The following DNAH11 variants were observed in gnomAD, a reference collection of about 807,000 sequenced individuals.
DNAH11 encodes axonemal beta dynein heavy chain 11.
DNAH11 carries 442 observed loss-of-function variants against 526.0 expected under a neutral mutation model. The observed-to-expected ratio is 0.84, with a 90% confidence interval of 0.78 to 0.91. DNAH11 has a LOEUF of 0.91. Among genes scored for constraint, DNAH11 ranks in the 40% least tolerant of loss-of-function variants. The pLI is 0.00. For missense variants in DNAH11, 6,989 were observed against 5,448.7 expected (o/e 1.28, Z -8.90); for synonymous variants, 2,461 against 1,935.9 (o/e 1.27, Z -7.12).
At chr7:21,737,729 C>G (rs957847005) in intron 46 of DNAH11, among the ~76,000 whole-genome samples, 3 of 152,108 alleles carry the variant, frequency 2.0e-5, no homozygotes, top group African/African-American at 7.2e-5. Flanking sequence ...TTGCATCTGC[C>G]TGACTGGGCA....
chr7:21,819,720 G>A (rs1251564148), intron 65 of DNAH11, among the ~76,000 whole-genome samples: 1 of 152,118 alleles, frequency 6.6e-6, no homozygotes, highest in Non-Finnish European at 1.5e-5. Flanking sequence ...TCCAAAGGCT[G>A]ATAAATTTGA....
At chr7:21,893,019 G>C (rs972346384) in intron 77 of DNAH11, among the ~76,000 whole-genome samples, 1 of 152,108 alleles carries the variant, frequency 6.6e-6, no homozygotes, top group African/African-American at 2.4e-5. Context: ...ATGTACCAAT[G>C]GTTCATTTTT....
intron 79 of DNAH11, among the ~76,000 whole-genome samples, chr7:21,896,313 A>G (rs1784513972): frequency 6.6e-6 from 1 of 152,088 alleles, no homozygotes; most frequent in African/African-American, 2.4e-5. Flanking sequence ...TGTTTCTGAA[A>G]CTGTCCTCAC....
rs1048659573 is a variant in DNAH11, at chr7:21,600,991, A to C, written c.3256-19A>C. ...GGCTTTTCACTGAGTTGTTCTAATT[A>C]ATCTTTTTCTCACTACAGATTGACA... On this transcript the variant is annotated intron_variant, in intron 16 of 81. Coordinates refer to ENST00000409508, the MANE Select transcript of DNAH11 (RefSeq NM_001277115.2). 6.2e-7 allele frequency: 1 copy of C among 1,609,996 alleles called. No homozygotes were observed.
Position 21,572,001 on chromosome 7 carries a change from G to T in DNAH11, c.1593+28G>T, listed in dbSNP as rs7804044. On this transcript the variant is annotated intron_variant, in intron 8 of 81. Coordinates refer to ENST00000409508, the MANE Select transcript of DNAH11 (RefSeq NM_001277115.2). ...AATGTTGTACCTTTGCATTTTCATT[G>T]CATGGGATCCTATAATTTTATAGCT... The T allele has an allele frequency of 0.053, 78,025 of 1,466,772 alleles. 5,663 individuals are homozygous for T. Among genetic ancestry groups the T allele is most frequent in the African/African-American group, 0.29 (20,313 of 70,096 alleles). 90.9% of individuals were successfully genotyped at this position (1,466,772 alleles called of 1,614,324 possible). A position where few individuals can be genotyped will look rare whatever the true frequency, so the allele number is the denominator to read the frequency against.
chr7:21,669,294 CT>C (rs1436306117), intron 30 of DNAH11, among the ~76,000 whole-genome samples: 2 of 152,166 alleles, frequency 1.3e-5, no homozygotes, highest in African/African-American at 4.8e-5. Flanking sequence ...GCCTCAGCCT[CT>C]TTTGTAGCAA....
At chr7:21,583,398 A>T (rs1295743696) in intron 9 of DNAH11, among the ~76,000 whole-genome samples, 1 of 152,222 alleles carries the variant, frequency 6.6e-6, no homozygotes, top group Non-Finnish European at 1.5e-5. Context: ...CAGAAAACGG[A>T]AACTGGACCT....
intron 25 of DNAH11, among the ~76,000 whole-genome samples, chr7:21,620,417 A>G (rs1418714248): frequency 6.7e-6 from 1 of 150,240 alleles, no homozygotes; most frequent in Non-Finnish European, 1.5e-5. Flanking sequence ...CCATCATTCT[A>G]CTCTCTGTTT....
chr7:21,622,797 C>T (rs1185519882), intron 25 of DNAH11, among the ~76,000 whole-genome samples: 2 of 152,156 alleles, frequency 1.3e-5, no homozygotes, highest in Non-Finnish European at 2.9e-5. Context: ...CCCTTCCTTA[C>T]ACCTTATACA....
intron 75 of DNAH11, among the ~76,000 whole-genome samples, chr7:21,881,527 T>A (rs1783924783): frequency 6.6e-6 from 1 of 152,194 alleles, no homozygotes; most frequent in East Asian, 1.9e-4. Context: ...ACCCAATGAT[T>A]GGATTTCAAA....
chr7:21,689,952 G>A (rs1783541811), intron 34 of DNAH11, among the ~76,000 whole-genome samples: 1 of 152,044 alleles, frequency 6.6e-6, no homozygotes, highest in South Asian at 2.1e-4. Flanking sequence ...AACCCACTTG[G>A]GTCCTCACAG....
In DNAH11 at chr7:21,733,705, A is replaced by G. The variant is rs1785486869; in HGVS notation, c.7441-1935A>G. ...TTAATTAACAGCATCTTAATATAGT[A>G]GAAGAGAACCATAGAAAGTCAATAA... is the stretch of plus-strand genomic sequence containing the variant. On this transcript the variant is annotated intron_variant, in intron 45 of 81. Transcript: ENST00000409508. 2.0e-5 allele frequency among the ~76,000 whole-genome samples: 3 copies of G among 152,354 alleles called. 1 individual carries two copies. In the South Asian group the frequency reaches 6.2e-4, roughly 32 times the overall value.
At chr7:21,894,842 A>T in intron 78 of DNAH11, 37 bp downstream of exon 78, 1 of 1,612,354 alleles carries the variant, frequency 6.2e-7, no homozygotes, top group South Asian at 1.1e-5. Flanking sequence ...ACTTCAGCAC[A>T]TTGGAAGATA....
intron 62 of DNAH11, among the ~76,000 whole-genome samples, chr7:21,805,045 G>T (rs1338006220): frequency 6.6e-6 from 1 of 151,970 alleles, no homozygotes; most frequent in Non-Finnish European, 1.5e-5. Context: ...CCTTTCCCAG[G>T]CAGTCACATC....
intron 6 of DNAH11, among the ~76,000 whole-genome samples, chr7:21,568,902 T>G (rs939038281): frequency 6.6e-6 from 1 of 152,186 alleles, no homozygotes; most frequent in Non-Finnish European, 1.5e-5. Flanking sequence ...TCAACTCTTT[T>G]AAAATTCACA....
At chr7:21,753,750 A>C (rs1038308179) in intron 54 of DNAH11, among the ~76,000 whole-genome samples, 3 of 152,028 alleles carry the variant, frequency 2.0e-5, no homozygotes, top group African/African-American at 7.2e-5. Context: ...TTTCATTTCC[A>C]ATTGCTCTTT....
intron 36 of DNAH11, among the ~76,000 whole-genome samples, chr7:21,701,634 G>T (rs1002429507): frequency 6.6e-6 from 1 of 152,002 alleles, no homozygotes; most frequent in African/African-American, 2.4e-5. Context: ...TTTTCATTTC[G>T]TTCCCTTTTA....
rs148797976 is a variant in DNAH11, at chr7:21,869,225, A to G, written c.11967+234A>G. Among the ~76,000 whole-genome samples the G allele has an allele frequency of 6.4e-3, 979 of 152,326 alleles. 10 individuals carry two copies. The highest frequency in any genetic ancestry group is 0.022 in the African/African-American group (915 of 41,572). On this transcript the variant is annotated intron_variant, in intron 73 of 81. Coordinates refer to ENST00000409508, the MANE Select transcript of DNAH11 (RefSeq NM_001277115.2). ...GCCATTGTACTCTAAAATTAAAACT[A>G]TTAGGAAGAACTTCGTCGTTCCCCT...
chr7:21,640,811 T>C (rs1373881093), intron 28 of DNAH11, among the ~76,000 whole-genome samples: 1 of 152,176 alleles, frequency 6.6e-6, no homozygotes, highest in Non-Finnish European at 1.5e-5. Flanking sequence ...AAGCTTTCGT[T>C]TAATAACTTG....
Sources: gnomAD v4.1 joint callset for allele counts (sites outside exome capture counted in the v4.1 genomes callset) on GRCh38, gnomAD v4.1.1 for gene constraint, MANE v1.5 for transcripts, NCBI Gene and HGNC (gene_info 2026-07-23, HGNC 2026-07-21) for gene names.